Variants in HID1 observed in about 807,000 individuals in gnomAD.
HID1 encodes the protein HID1 domain containing.
In HID1, 42 loss-of-function variants were observed where a neutral mutation model predicts 89.7. The observed-to-expected ratio is 0.47, with a 90% CI of 0.37 to 0.61. The LOEUF is 0.61. HID1 is among the 20% of genes least tolerant of loss of function. The pLI, the probability that HID1 is intolerant of heterozygous loss-of-function variation, is 0.00. For missense variants in HID1, 854 were observed against 1,039.3 expected, an observed-to-expected ratio of 0.82 and a Z score of 2.45; for synonymous variants, 442 against 433.8, an observed-to-expected ratio of 1.02 and a Z score of -0.24.
Position 74,957,196 on chromosome 17 carries a change from G to A in HID1, c.1471+945C>T, listed in dbSNP as rs961736869. ...ATTAGAAATAAAATGAAATATGGCC[G>A]GGTGTGGTGGTTCACACCTGTAACC... On this transcript the variant is annotated intron_variant, in intron 12 of 18. Transcript: ENST00000425042. 3.3e-5 allele frequency among the ~76,000 whole-genome samples: 5 copies of A among 152,014 alleles called. No homozygotes were observed. In the South Asian group the frequency reaches 6.2e-4, roughly 19 times the overall value.
rs1051911848 is a variant in HID1 at position 74,958,374 on chromosome 17, T to C, written c.1345A>G (p.Met449Val). ...GTCCCTGTGAAGACTGGGATGTCCA[T>C]GGGCACGCGGATTGAGTAGGGTTTG... ...LNKPYSIRVP[M>V]DIPVFTGTHA... is the part of the protein sequence containing the mutation. Residue 449 changes from methionine to valine, a missense_variant, in exon 11 of 19, where the codon ATG becomes GTG. By Grantham distance (21) the Met-to-Val change is conservative. Transcript: ENST00000425042. This position sits in a 1 kb window ranked among gnomAD's most constrained non-coding sequence, Gnocchi z 5.2. 9 of 1,612,908 alleles carry C rather than the reference T, an allele frequency of 5.6e-6. No homozygotes were observed. The highest frequency in any genetic ancestry group is 1.6e-4 in the Middle Eastern group (1 of 6,084).
intron 15 of HID1, 125 bp downstream of exon 15, chr17:74,953,420 G>A: frequency 1.4e-6 from 1 of 722,784 alleles, no homozygotes; most frequent in Non-Finnish European, 2.3e-6. Flanking sequence ...TAATGCCCTG[G>A]GCACTGGGTA....
Position 74,951,584 on chromosome 17 carries a change from T to C in HID1, c.2353A>G (p.Ile785Val), listed in dbSNP as rs768331307. ...CGGCTTCATCCTCACACCCGCTGTA[T>C]CTCAAACAGCTTCACGTCGGTGTCG... ...WYDTDVKLFE[I>V]QRV is the part of the protein sequence containing the mutation. Residue 785 changes from isoleucine to valine, a missense_variant, in exon 19 of 19, where the codon ATA (isoleucine) becomes GTA (valine). Coordinates refer to ENST00000425042, the MANE Select transcript of HID1 (RefSeq NM_030630.3). 1 of 1,612,280 alleles carries C rather than the reference T, an allele frequency of 6.2e-7. No individual in the cohort carries two copies. The highest frequency in any genetic ancestry group is 1.1e-5 in the South Asian group (1 of 90,446).
In HID1 at chr17:74,962,877, A is replaced by C; in HGVS notation, c.504+88T>G. On this transcript the variant is annotated intron_variant, in intron 4 of 18. Coordinates refer to ENST00000425042, the MANE Select transcript of HID1 (RefSeq NM_030630.3). This position sits in a 1 kb window ranked among gnomAD's most constrained non-coding sequence, Gnocchi z 4.3. ...CTGGAGCCCCCCGGCCCCCAGTGCA[A>C]TCCGCCCAAGGGAACTTCAACTGGC... The C allele has an allele frequency of 1.1e-6, 1 of 938,110 alleles. No homozygotes were observed. The highest frequency in any genetic ancestry group is 2.6e-5 in the East Asian group (1 of 39,148). 58.1% of individuals were successfully genotyped at this position (938,110 alleles called of 1,614,324 possible). A position where few individuals can be genotyped will look rare whatever the true frequency, so the allele number is the denominator to read the frequency against.
At chr17:74,965,997 C>T (rs1374470373) in intron 1 of HID1, among the ~76,000 whole-genome samples, 3 of 150,942 alleles carry the variant, frequency 2.0e-5, no homozygotes, top group Middle Eastern at 3.4e-3. Flanking sequence ...GAATAAAAGA[C>T]TAGAAGAGGC....
At chr17:74,953,679 A>C (rs771724389) in intron 14 of HID1, 28 bp from the exon 15 acceptor site, 6 of 1,560,144 alleles carry the variant, frequency 3.8e-6, no homozygotes, top group Non-Finnish European at 5.3e-6. Flanking sequence ...GGGAGTGAGG[A>C]CTCCCTGCCA....
At chr17:74,963,637 C>T in intron 3 of HID1, 103 bp downstream of exon 3, 1 of 1,236,036 alleles carries the variant, frequency 8.1e-7, no homozygotes, top group Non-Finnish European at 1.1e-6. Context: ...CCTGTACTTC[C>T]CAAATCCCAG....
chr17:74,971,692 G>C (rs909302665), intron 1 of HID1, among the ~76,000 whole-genome samples: 3 of 152,186 alleles, frequency 2.0e-5, no homozygotes, highest in Admixed American at 2.0e-4. Context: ...CATCTCTGTG[G>C]CCACGGTGGC....
chr17:74,964,738 C>A, intron 1 of HID1, 106 bp from the exon 2 acceptor site: 1 of 1,219,558 alleles, frequency 8.2e-7, no homozygotes, highest in South Asian at 1.5e-5. Context: ...CCAGAGTCCC[C>A]CTACCTGCTG....
rs546865014 is a variant in HID1 at position 74,960,000 on chromosome 17, T to G, written c.951+26A>C. 25 of 1,613,266 alleles carry G rather than the reference T, an allele frequency of 1.5e-5. 2 individuals are homozygous for G. The South Asian group carries it at 2.6e-4, about 17-fold the overall frequency. ...CCCCACAACCCGTGGCCCCGGCAGC[T>G]GTCCCTTCCATGCTCCCATCCTTAC... On this transcript the variant is annotated intron_variant, in intron 7 of 18. Transcript: ENST00000425042. The surrounding 1 kb of genome is among the most constrained non-coding windows in gnomAD (Gnocchi z 4.6).
Position 74,960,224 on chromosome 17 carries a change from G to A in HID1, c.753C>T (p.Ser251=), listed in dbSNP as rs2039458279. 1 of 1,611,916 alleles carries A rather than the reference G, an allele frequency of 6.2e-7. No homozygotes were observed. The highest frequency in any genetic ancestry group is 1.3e-5 in the African/African-American group (1 of 74,938). ...ENRHALPLFT[S]LLNTVCAYDP... ...CATAGGCACACACGGTGTTGAGGAG[G>A]GAGGTGAAGAGGGGCAGGGCATGTC... The change falls in exon 7 of 19, where the codon TCC becomes TCT. Residue 251 remains serine (S), a synonymous_variant. Coordinates refer to ENST00000425042, the MANE Select transcript of HID1 (RefSeq NM_030630.3).
intron 18 of HID1, 99 bp from the exon 19 acceptor site, chr17:74,951,732 A>G (rs2071765993): frequency 8.5e-6 from 12 of 1,406,292 alleles, no homozygotes; most frequent in South Asian, 1.3e-5. Flanking sequence ...AACCCTTTCC[A>G]TCCCGATGTC....
intron 12 of HID1, 39 bp from the exon 13 acceptor site, chr17:74,955,995 C>A: frequency 6.3e-7 from 1 of 1,596,206 alleles, no homozygotes; most frequent in Non-Finnish European, 8.6e-7. Context: ...GGCCCCTCAG[C>A]CAAGCCATCC....
At chr17:74,970,270 C>A (rs1048882428) in intron 1 of HID1, among the ~76,000 whole-genome samples, 1 of 152,160 alleles carries the variant, frequency 6.6e-6, no homozygotes, top group Admixed American at 6.5e-5. Context: ...GGACTAGACC[C>A]CCACTCAGAC....
At chr17:74,961,080 C>T (rs1220407921) in intron 6 of HID1, among the ~76,000 whole-genome samples, 2 of 152,152 alleles carry the variant, frequency 1.3e-5, no homozygotes, top group African/African-American at 4.8e-5. Flanking sequence ...AGCCTCAAGC[C>T]ACAAGGAGCT....
intron 3 of HID1, 60 bp downstream of exon 3, chr17:74,963,680 G>A: frequency 6.7e-7 from 1 of 1,490,960 alleles, no homozygotes; most frequent in Non-Finnish European, 9.0e-7. Context: ...CGGCCCTAAA[G>A]GGCGCTCTCC....
chr17:74,958,078 G>C lies in HID1; in HGVS notation c.1471+63C>G, dbSNP rs762569861. The C allele has an allele frequency of 6.8e-6, 10 of 1,470,480 alleles. No homozygotes were observed. The highest frequency in any genetic ancestry group is 4.9e-5 in the East Asian group (2 of 40,788). The allele number at this position is 1,470,480 out of a possible 1,614,324, so 91.1% of individuals were successfully genotyped here. A position where few individuals can be genotyped will look rare whatever the true frequency, so the allele number is the denominator to read the frequency against. On this transcript the variant is annotated intron_variant, in intron 12 of 18. Coordinates refer to ENST00000425042, the MANE Select transcript of HID1 (RefSeq NM_030630.3). The surrounding 1 kb of genome is among the most constrained non-coding windows in gnomAD (Gnocchi z 5.2). ...GCTTGAAACCTGGAGCAAGTGGCAG[G>C]TTGGCCTGTGGCCTGACACCACCTG...
chr17:74,966,918 C>G (rs759250709), intron 1 of HID1, among the ~76,000 whole-genome samples: 5 of 152,134 alleles, frequency 3.3e-5, no homozygotes, highest in Non-Finnish European at 7.3e-5. Context: ...GCACTCAAGC[C>G]TGGGCAACAG....
rs2039356385 is a variant in HID1, at chr17:74,954,370, G to A, written c.1637-5C>T. 1.3e-6 allele frequency: 2 copies of A among 1,558,958 alleles called. No individual in the cohort carries two copies. The highest frequency in any genetic ancestry group is 1.4e-5 in the African/African-American group (1 of 73,448). ...CGTAGACCAGGTTGGAGTTGCCTGT[G>A]GGCAGGGAGCATGCCTCGCCTCAGG... On this transcript the variant is annotated splice_region_variant and splice_polypyrimidine_tract_variant and intron_variant, in intron 13 of 18. Coordinates refer to ENST00000425042, the MANE Select transcript of HID1 (RefSeq NM_030630.3).
Sources: allele counts gnomAD v4.1 joint callset (sites outside exome capture counted in the v4.1 genomes callset), GRCh38; gene constraint gnomAD v4.1.1; non-coding constraint Gnocchi (gnomAD v3.1); transcripts MANE v1.5; gene names NCBI Gene and HGNC (gene_info 2026-07-23, HGNC 2026-07-21).